Variants in ADAMTSL1 observed in about 807,000 individuals in gnomAD.
ADAMTSL1 encodes the protein ADAMTS like 1, also known as ADAMTS-like protein 1.
A neutral mutation model predicts 201.8 loss-of-function variants in ADAMTSL1; 126 were observed. The ratio of observed to expected loss-of-function variants is 0.62; its 90% CI spans 0.54 to 0.72. The LOEUF (loss-of-function observed/expected upper bound fraction) is 0.72. ADAMTSL1 is among the 30% of genes least tolerant of loss of function. The probability of loss-of-function intolerance (pLI) is 0.00; values close to 1 mark genes in which losing one functional copy is unlikely to be tolerated. For synonymous variants in ADAMTSL1, 1,121 were observed against 903.4 expected, an observed-to-expected ratio of 1.24 and a Z score of -4.32; for missense variants, 2,679 against 2,277.8, an observed-to-expected ratio of 1.18 and a Z score of -3.59.
At chr9:18,317,979 G>C (rs1235815723) in intron 2 of ADAMTSL1, among the ~76,000 whole-genome samples, 1 of 152,142 alleles carries the variant, frequency 6.6e-6, no homozygotes, top group Non-Finnish European at 1.5e-5. Context: ...ATCTGGCTCT[G>C]CCCCTTAGCA....
At chr9:18,613,739 G>A (rs960238920) in intron 4 of ADAMTSL1, among the ~76,000 whole-genome samples, 1 of 152,144 alleles carries the variant, frequency 6.6e-6, no homozygotes, top group South Asian at 2.1e-4. Context: ...TAAGGGTGAA[G>A]GGTGAGAGGA....
At chr9:17,988,229 T>G (rs1375761178) in intron 1 of ADAMTSL1, among the ~76,000 whole-genome samples, 3 of 152,032 alleles carry the variant, frequency 2.0e-5, no homozygotes, top group African/African-American at 7.2e-5. Context: ...ATAAGAAATA[T>G]TGACTAAATT....
chr9:18,637,553 T>G (rs2132787726), intron 6 of ADAMTSL1, among the ~76,000 whole-genome samples: 1 of 152,336 alleles, frequency 6.6e-6, no homozygotes, highest in Non-Finnish European at 1.5e-5. Flanking sequence ...ATTGGCCTTG[T>G]GTGATTTAAT....
chr9:18,869,141 G>A (rs1046201701), intron 23 of ADAMTSL1, among the ~76,000 whole-genome samples: 1 of 152,208 alleles, frequency 6.6e-6, no homozygotes, highest in African/African-American at 2.4e-5. Flanking sequence ...GTACACCAAA[G>A]ATTGCCAGCA....
chr9:18,675,709 T>A lies in ADAMTSL1; in HGVS notation c.1086-148T>A, dbSNP rs3802340. 9.5e-5 allele frequency: 66 copies of A among 692,860 alleles called. No homozygotes were observed. In the East Asian group the frequency reaches 1.8e-3, roughly 19 times the overall value. 42.9% of individuals were successfully genotyped at this position (692,860 alleles called of 1,614,324 possible). ...CCTAAAGCATATCCTGGCATAAAGA[T>A]ATAAAACTGTTTTAGTGTTGTTTTA... On this transcript the variant is annotated intron_variant, in intron 9 of 28. Transcript: ENST00000380548.
At chr9:18,798,129 CAA>C (rs1292325847) in intron 20 of ADAMTSL1, among the ~76,000 whole-genome samples, 1 of 151,368 alleles carries the variant, frequency 6.6e-6, no homozygotes, top group African/African-American at 2.4e-5. Context: ...TCAAGATAAT[CAA>C]GTGTCCCCAT....
At chr9:17,939,671 C>T (rs1288365074) in intron 1 of ADAMTSL1, among the ~76,000 whole-genome samples, 2 of 151,998 alleles carry the variant, frequency 1.3e-5, no homozygotes, top group African/African-American at 4.8e-5. Context: ...TGTTCTGCCT[C>T]ATTCATTCAT....
intron 1 of ADAMTSL1, among the ~76,000 whole-genome samples, chr9:17,915,969 G>C (rs1318788273): frequency 6.6e-6 from 1 of 152,092 alleles, no homozygotes; most frequent in East Asian, 1.9e-4. Flanking sequence ...GCCCAGGCTG[G>C]AGTGCAGTGG....
At chr9:18,088,496 A>C (rs187940984) in intron 1 of ADAMTSL1, among the ~76,000 whole-genome samples, 2 of 152,304 alleles carry the variant, frequency 1.3e-5, no homozygotes, top group Non-Finnish European at 2.9e-5. Flanking sequence ...CAAATTATAT[A>C]TTCGATAAGG....
chr9:18,127,301 A>G (rs992115461), intron 1 of ADAMTSL1, among the ~76,000 whole-genome samples: 1 of 152,310 alleles, frequency 6.6e-6, no homozygotes, highest in East Asian at 1.9e-4. Context: ...CACCTGATGG[A>G]TTACACTGTA....
At chr9:17,971,189 A>T (rs1289785375) in intron 1 of ADAMTSL1, among the ~76,000 whole-genome samples, 2 of 152,008 alleles carry the variant, frequency 1.3e-5, no homozygotes, top group East Asian at 3.9e-4. Context: ...CCTTTAATTG[A>T]TAGTTTGGAG....
At chr9:18,314,973 T>C (rs1456868908) in intron 2 of ADAMTSL1, among the ~76,000 whole-genome samples, 1 of 151,046 alleles carries the variant, frequency 6.6e-6, no homozygotes, top group African/African-American at 2.4e-5. Context: ...ATTTTTTGTA[T>C]TTTTAGTAGA....
intron 5 of ADAMTSL1, among the ~76,000 whole-genome samples, chr9:18,630,674 T>A (rs1052825048): frequency 8.5e-5 from 13 of 152,208 alleles, no homozygotes; most frequent in African/African-American, 2.4e-4. Context: ...CTTTTTTGCC[T>A]GATGTCCAAT....
chr9:18,309,989 G>T (rs529214556), intron 2 of ADAMTSL1, among the ~76,000 whole-genome samples: 1 of 151,896 alleles, frequency 6.6e-6, no homozygotes, highest in African/African-American at 2.4e-5. Flanking sequence ...CAAAACAGAT[G>T]TATAGTCCAA....
At chr9:18,229,206 A>G (rs1415742175) in intron 2 of ADAMTSL1, among the ~76,000 whole-genome samples, 1 of 152,184 alleles carries the variant, frequency 6.6e-6, no homozygotes, top group Non-Finnish European at 1.5e-5. Flanking sequence ...CACCATCTGG[A>G]TGCAGCAGTT....
intron 15 of ADAMTSL1, among the ~76,000 whole-genome samples, chr9:18,742,822 C>A (rs1425289859): frequency 1.3e-5 from 2 of 152,118 alleles, no homozygotes; most frequent in Non-Finnish European, 2.9e-5. Flanking sequence ...AAAATAGAGA[C>A]AAACTGCAAT....
intron 16 of ADAMTSL1, among the ~76,000 whole-genome samples, chr9:18,763,658 T>C (rs1377006856): frequency 6.6e-6 from 1 of 152,188 alleles, no homozygotes. Flanking sequence ...ATTTAATTTT[T>C]GTATATGGCA....
At chr9:18,324,704 C>T (rs1834760171) in intron 2 of ADAMTSL1, among the ~76,000 whole-genome samples, 1 of 150,722 alleles carries the variant, frequency 6.6e-6, no homozygotes, top group Non-Finnish European at 1.5e-5. Flanking sequence ...GCGGAGATTG[C>T]AGTGAGCTGA....
intron 1 of ADAMTSL1, among the ~76,000 whole-genome samples, chr9:18,070,135 C>G (rs2131730074): frequency 6.6e-6 from 1 of 152,242 alleles, no homozygotes; most frequent in South Asian, 2.1e-4. Flanking sequence ...TGAAAACAGA[C>G]TAGGTAAGAG....
Sources: gnomAD v4.1 joint callset for allele counts (sites outside exome capture counted in the v4.1 genomes callset) on GRCh38, gnomAD v4.1.1 for gene constraint, MANE v1.5 for transcripts, NCBI Gene and HGNC (gene_info 2026-07-23, HGNC 2026-07-21) for gene names.